AP3B1: variants seen among roughly 807,000 people sequenced by gnomAD.
AP3B1 encodes adaptor related protein complex 3 subunit beta 1, also known as AP-3 complex subunit beta-1.
A neutral mutation model predicts 132.5 loss-of-function variants in AP3B1; 61 were observed. The observed-to-expected ratio is 0.46, with a 90% CI of 0.37 to 0.57. The LOEUF (loss-of-function observed/expected upper bound fraction) is 0.57, where lower values mean the gene tolerates loss of function less well. AP3B1 is among the 20% of genes least tolerant of loss of function. The pLI, the probability that AP3B1 is intolerant of heterozygous loss-of-function variation, is 0.00. For synonymous variants in AP3B1, 388 were observed against 438.3 expected (o/e 0.89, Z 1.43); for missense variants, 1,120 against 1,289.4 (o/e 0.87, Z 2.01).
chr5:78,189,903 TA>T (rs1744758539), intron 7 of AP3B1, among the ~76,000 whole-genome samples: 1 of 145,754 alleles, frequency 6.9e-6, no homozygotes, highest in Non-Finnish European at 1.5e-5. Flanking sequence ...TAAAATAAAA[TA>T]AAATAAAATA....
At chr5:78,267,456 T>C in intron 2 of AP3B1, 64 bp downstream of exon 2, 2 of 761,928 alleles carry the variant, frequency 2.6e-6, no homozygotes, top group South Asian at 3.8e-5. Context: ...TATATATATA[T>C]ATAATAATAT....
intron 21 of AP3B1, among the ~76,000 whole-genome samples, chr5:78,095,262 C>G (rs1258790451): frequency 6.6e-6 from 1 of 152,206 alleles, no homozygotes; most frequent in African/African-American, 2.4e-5. Flanking sequence ...AAATTCAGTA[C>G]TTGCAGTCTT....
chr5:78,097,904 A>G (rs964288973), intron 21 of AP3B1, among the ~76,000 whole-genome samples: 5 of 152,212 alleles, frequency 3.3e-5, no homozygotes, highest in African/African-American at 9.7e-5. Context: ...AGAGGTAGAC[A>G]TGGGAGACTT....
At chr5:78,161,708 T>C (rs1743394642) in intron 13 of AP3B1, among the ~76,000 whole-genome samples, 1 of 152,072 alleles carries the variant, frequency 6.6e-6, no homozygotes, top group Non-Finnish European at 1.5e-5. Flanking sequence ...GGAGTTTTAA[T>C]ACTACATGTA....
chr5:78,240,520 C>T lies in AP3B1; in HGVS notation c.279+342G>A, dbSNP rs186836006. On this transcript the variant is annotated intron_variant, in intron 3 of 26. Transcript: ENST00000255194. ...CAAATCATCAAGGTCTGGATATACCCAAATAGGTCTTTTTCACTGGACATA... is the reference window on the plus strand; with the variant it reads ...CAAATCATCAAGGTCTGGATATACCTAAATAGGTCTTTTTCACTGGACATA... Among the ~76,000 whole-genome samples the T allele has an allele frequency of 3.3e-5, 5 of 152,152 alleles. No homozygotes were observed. In the East Asian group the frequency reaches 5.8e-4, roughly 18 times the overall value.
chr5:78,287,852 A>T (rs1408585318), intron 1 of AP3B1, among the ~76,000 whole-genome samples: 1 of 152,204 alleles, frequency 6.6e-6, no homozygotes, highest in Non-Finnish European at 1.5e-5. Flanking sequence ...TCAATTAGCT[A>T]AACATAATAA....
chr5:78,264,011 A>G (rs969423724), intron 2 of AP3B1, among the ~76,000 whole-genome samples: 3 of 152,186 alleles, frequency 2.0e-5, no homozygotes, highest in African/African-American at 7.2e-5. Flanking sequence ...ATAGCCTAGG[A>G]AGAATAGACT....
chr5:78,172,491 C>T (rs1377309016), intron 11 of AP3B1, among the ~76,000 whole-genome samples: 2 of 152,182 alleles, frequency 1.3e-5, no homozygotes, highest in South Asian at 4.1e-4. Context: ...GGAATTTATC[C>T]ATTTCTTCTA....
intron 2 of AP3B1, among the ~76,000 whole-genome samples, chr5:78,259,907 T>C (rs1488850525): frequency 6.6e-6 from 1 of 151,340 alleles, no homozygotes; most frequent in East Asian, 1.9e-4. Flanking sequence ...GAGGCAGAGG[T>C]TGCAGTGAAC....
At chr5:78,223,688 G>T (rs72776488) in intron 6 of AP3B1, among the ~76,000 whole-genome samples, 27,824 of 152,020 alleles carry the variant, frequency 0.18, 2,801 homozygotes, top group Admixed American at 0.27. Flanking sequence ...TGTGCTGAGG[G>T]TTTTATATAC....
chr5:78,116,181 C>G lies in AP3B1; in HGVS notation c.2022G>C (p.Lys674Asn), dbSNP rs752440818. ...CCTCTTCCTCAGATTCAGAATAAAA[C>G]TTCTTAGCAGAATTCTCTTGCTTTG... ...GKAKQENSAK[K>N]FYSESEEEED... is the part of the protein sequence containing the mutation. Residue 674 changes from lysine to asparagine, a missense_variant, in exon 18 of 27, where the codon AAG becomes AAC. This residue lies in a region of AP3B1 where 906 missense variants were observed against 997.1 expected (regional missense o/e 0.91). Transcript: ENST00000255194. The G allele has an allele frequency of 6.2e-7, 1 of 1,613,750 alleles. No homozygotes were observed. The highest frequency in any genetic ancestry group is 8.5e-7 in the Non-Finnish European group (1 of 1,179,872).
chr5:78,167,361 T>C (rs538593023), intron 11 of AP3B1, among the ~76,000 whole-genome samples: 1 of 151,820 alleles, frequency 6.6e-6, no homozygotes, highest in Non-Finnish European at 1.5e-5. Context: ...ATGGATGTGG[T>C]GAAAGGGAAC....
intron 7 of AP3B1, among the ~76,000 whole-genome samples, chr5:78,208,714 C>A (rs567462524): frequency 1.3e-5 from 2 of 152,118 alleles, no homozygotes; most frequent in Admixed American, 6.6e-5. Flanking sequence ...AGTATCACAA[C>A]AACTGCACAT....
At chr5:78,199,178 C>G (rs1745191709) in intron 7 of AP3B1, among the ~76,000 whole-genome samples, 1 of 151,986 alleles carries the variant, frequency 6.6e-6, no homozygotes, top group South Asian at 2.1e-4. Flanking sequence ...GTTCAATTGC[C>G]CACAACACAT....
intron 2 of AP3B1, among the ~76,000 whole-genome samples, chr5:78,260,267 C>T (rs1414308939): frequency 1.3e-5 from 2 of 152,114 alleles, no homozygotes; most frequent in Non-Finnish European, 2.9e-5. Flanking sequence ...ATGCCCCCAT[C>T]ACCTGAAAAT....
At chr5:78,015,389 A>G in intron 26 of AP3B1, 21 bp downstream of exon 26, 2 of 1,613,018 alleles carry the variant, frequency 1.2e-6, no homozygotes, top group Non-Finnish European at 1.7e-6. Context: ...TCACCTCCAC[A>G]TCGTGTGTTA....
intron 2 of AP3B1, among the ~76,000 whole-genome samples, chr5:78,242,675 G>C (rs1561497244): frequency 6.6e-6 from 1 of 152,066 alleles, no homozygotes; most frequent in Admixed American, 6.6e-5. Flanking sequence ...CCAAACTGCT[G>C]GGATTACAGG....
In AP3B1 at chr5:78,164,412, C is replaced by T. The variant is rs529108451; in HGVS notation, c.1230+1198G>A. ...TATGTGCCCTCTATACAACCCATTC[C>T]ATAACATTACCTAAGTCTCCTTTCC... On this transcript the variant is annotated intron_variant, in intron 12 of 26. Coordinates refer to ENST00000255194, the MANE Select transcript of AP3B1 (RefSeq NM_003664.5). 2.0e-5 allele frequency among the ~76,000 whole-genome samples: 3 copies of T among 152,108 alleles called. No homozygotes were observed. The South Asian group carries it at 6.2e-4, about 32-fold the overall frequency.
intron 19 of AP3B1, among the ~76,000 whole-genome samples, chr5:78,113,469 A>G (rs1396854203): frequency 6.6e-6 from 1 of 152,212 alleles, no homozygotes; most frequent in Admixed American, 6.5e-5. Context: ...AAGGTAATTA[A>G]GTGTTTCATA....
Sources: allele counts gnomAD v4.1 joint callset (sites outside exome capture counted in the v4.1 genomes callset), GRCh38; gene constraint gnomAD v4.1.1; regional missense constraint gnomAD v4.1.1; transcripts MANE v1.5; gene names NCBI Gene and HGNC (gene_info 2026-07-23, HGNC 2026-07-21).